The following SHISA6 variants were observed in gnomAD, a reference collection of about 807,000 sequenced individuals.
SHISA6 encodes shisa family member 6.
A neutral mutation model predicts 47.9 loss-of-function variants in SHISA6; 22 were observed. That is an observed-to-expected ratio of 0.46 (90% CI 0.33 to 0.66). The LOEUF (loss-of-function observed/expected upper bound fraction) is 0.66, where lower values mean the gene tolerates loss of function less well. Ranked by LOEUF, SHISA6 falls within the 30% of genes least tolerant of loss-of-function variation. The pLI is 0.02. For synonymous variants in SHISA6, 388 were observed against 337.8 expected, an observed-to-expected ratio of 1.15 and a Z score of -1.63; for missense variants, 680 against 764.6, an observed-to-expected ratio of 0.89 and a Z score of 1.30.
At chr17:11,267,222 C>T (rs1433652041) in intron 2 of SHISA6, among the ~76,000 whole-genome samples, 1 of 152,198 alleles carries the variant, frequency 6.6e-6, no homozygotes, top group Admixed American at 6.5e-5. Flanking sequence ...CTGCTTTAAT[C>T]CCTTACCCCT....
intron 2 of SHISA6, among the ~76,000 whole-genome samples, chr17:11,365,273 A>T (rs1438938026): frequency 6.6e-6 from 1 of 151,608 alleles, no homozygotes; most frequent in Non-Finnish European, 1.5e-5. Context: ...TATTGGTTGA[A>T]ATTATTATTA....
intron 3 of SHISA6, among the ~76,000 whole-genome samples, chr17:11,440,610 A>G (rs1385402297): frequency 6.8e-6 from 1 of 147,830 alleles, no homozygotes; most frequent in African/African-American, 2.5e-5. Context: ...CCGTTTGCTC[A>G]TCTACATTGG....
At chr17:11,535,222 A>G (rs2071776742) in intron 3 of SHISA6, among the ~76,000 whole-genome samples, 2 of 152,206 alleles carry the variant, frequency 1.3e-5, no homozygotes, top group African/African-American at 4.8e-5. Context: ...ATGTTCATCC[A>G]TGTCCATACG....
chr17:11,275,903 G>A (rs540831807), intron 2 of SHISA6, among the ~76,000 whole-genome samples: 32 of 152,206 alleles, frequency 2.1e-4, no homozygotes, highest in African/African-American at 7.5e-4. Context: ...GGCTTATAGC[G>A]AGTAGAGATA....
At chr17:11,533,593 T>TA (rs1210497409) in intron 3 of SHISA6, among the ~76,000 whole-genome samples, 3 of 139,706 alleles carry the variant, frequency 2.1e-5, no homozygotes, top group Non-Finnish European at 3.1e-5. Context: ...CATTATTTTT[T>TA]TTTTTTTTTT....
Position 11,241,779 on chromosome 17 carries a change from C to G in SHISA6, c.357C>G (p.Tyr119Ter). 1 of 1,549,726 alleles carries G rather than the reference C, an allele frequency of 6.5e-7. No homozygotes were observed. Residue 119 changes from tyrosine (Y) to a stop codon, truncating the protein, a stop_gained, in exon 1 of 6, where the codon TAC becomes TAG. Transcript: ENST00000441885. LOFTEE classifies it high-confidence loss of function. This position sits in a 1 kb window ranked among gnomAD's most constrained non-coding sequence, Gnocchi z 5.5. ...ACAACAGCGAGAGCGGCTACCTGTA[C>G]TGCTGCGGTACCTGCTACTACCGCT... ...ECNNSESGYL[Y>*]CCGTCYYRFC...
At chr17:11,464,373 A>C (rs1460834996) in intron 3 of SHISA6, among the ~76,000 whole-genome samples, 1 of 152,152 alleles carries the variant, frequency 6.6e-6, no homozygotes, top group Non-Finnish European at 1.5e-5. Context: ...AGAGATTTTC[A>C]CATAGATTCT....
intron 2 of SHISA6, among the ~76,000 whole-genome samples, chr17:11,323,706 T>A (rs1910785223): frequency 6.7e-6 from 1 of 150,152 alleles, no homozygotes; most frequent in South Asian, 2.1e-4. Context: ...TAATACATGA[T>A]ACTTTGTGGT....
At chr17:11,276,690 CCAT>C (rs755271743) in intron 2 of SHISA6, among the ~76,000 whole-genome samples, 55 of 152,098 alleles carry the variant, frequency 3.6e-4, no homozygotes, top group Middle Eastern at 3.4e-3. Flanking sequence ...ATCACCACCA[CCAT>C]CATCACCATC....
chr17:11,427,138 G>C (rs1194344441), intron 3 of SHISA6, among the ~76,000 whole-genome samples: 2 of 152,070 alleles, frequency 1.3e-5, no homozygotes, highest in Middle Eastern at 3.2e-3. Flanking sequence ...TGTTGTTGTT[G>C]TTGTTGTTGT....
chr17:11,463,331 C>T (rs1842193198), intron 3 of SHISA6, among the ~76,000 whole-genome samples: 1 of 152,156 alleles, frequency 6.6e-6, no homozygotes, highest in Admixed American at 6.5e-5. Context: ...CTATTCTTCA[C>T]TTTATTAAAT....
intron 1 of SHISA6, among the ~76,000 whole-genome samples, chr17:11,252,189 C>T (rs1907837088): frequency 1.3e-5 from 2 of 152,326 alleles, no homozygotes; most frequent in South Asian, 4.1e-4. Context: ...AGTGAGACCT[C>T]TGGGCGGCTA....
At chr17:11,252,039 C>G (rs1431808048) in intron 1 of SHISA6, among the ~76,000 whole-genome samples, 1 of 152,168 alleles carries the variant, frequency 6.6e-6, no homozygotes, top group African/African-American at 2.4e-5. Context: ...AGGAACCCAG[C>G]GTTCCCGCTC....
chr17:11,339,038 A>T lies in SHISA6; in HGVS notation c.800-40376A>T, dbSNP rs555523576. Among the ~76,000 whole-genome samples, 414 of 152,138 alleles carry T rather than the reference A, an allele frequency of 2.7e-3. 3 individuals are homozygous for T. The highest frequency in any genetic ancestry group is 9.4e-3 in the African/African-American group (391 of 41,486). ...CTATGTGCCCAGCAACAGAGAGTTCATTGAAAAAAAAAAATCCAAAATGTG... is the reference window on the plus strand; with the variant it reads ...CTATGTGCCCAGCAACAGAGAGTTCTTTGAAAAAAAAAAATCCAAAATGTG... On this transcript the variant is annotated intron_variant, in intron 2 of 5. Coordinates refer to ENST00000441885, the MANE Select transcript of SHISA6 (RefSeq NM_207386.4).
chr17:11,490,829 G>T, intron 3 of SHISA6, among the ~76,000 whole-genome samples: 1 of 152,246 alleles, frequency 6.6e-6, no homozygotes, highest in East Asian at 1.9e-4. Flanking sequence ...TATAGGAGAT[G>T]TTGAAGTTTA....
chr17:11,417,358 T>G (rs1914310494), intron 3 of SHISA6, among the ~76,000 whole-genome samples: 2 of 151,980 alleles, frequency 1.3e-5, no homozygotes, highest in Admixed American at 1.3e-4. Flanking sequence ...CATTACTGGG[T>G]AATTTATGTT....
At chr17:11,488,017 G>A (rs576069312) in intron 3 of SHISA6, among the ~76,000 whole-genome samples, 76 of 152,286 alleles carry the variant, frequency 5.0e-4, no homozygotes, top group Middle Eastern at 3.4e-3. Context: ...TTATTGTGTC[G>A]GATGGGGTTC....
At chr17:11,307,130 G>T (rs970592547) in intron 2 of SHISA6, among the ~76,000 whole-genome samples, 8 of 127,142 alleles carry the variant, frequency 6.3e-5, no homozygotes, top group African/African-American at 1.7e-4. Context: ...ATTTATTTTT[G>T]TTTGTTTGTT....
At chr17:11,341,903 A>C (rs16944601) in intron 2 of SHISA6, among the ~76,000 whole-genome samples, 12,920 of 152,220 alleles carry the variant, frequency 0.085, 852 homozygotes, top group East Asian at 0.23. Flanking sequence ...GTTTCCTTCC[A>C]ACATGGAGTT....
Sources: gnomAD v4.1 joint callset for allele counts (sites outside exome capture counted in the v4.1 genomes callset) on GRCh38, gnomAD v4.1.1 for gene constraint, Gnocchi (gnomAD v3.1) non-coding constraint, MANE v1.5 for transcripts, NCBI Gene and HGNC (gene_info 2026-07-23, HGNC 2026-07-21) for gene names.